The following RREB1 variants were observed in gnomAD, a reference collection of about 807,000 sequenced individuals.
The protein encoded by RREB1 is ras responsive element binding protein 1.
A neutral mutation model predicts 117.8 loss-of-function variants in RREB1; 27 were observed. The observed-to-expected ratio is 0.23, with a 90% CI of 0.17 to 0.32. The LOEUF is 0.32. RREB1 is among the 10% of genes least tolerant of loss of function. The pLI, the probability that RREB1 is intolerant of heterozygous loss-of-function variation, is 1.00. For missense variants in RREB1, 2,577 were observed against 2,378.2 expected, an observed-to-expected ratio of 1.08 and a Z score of -1.74; for synonymous variants, 1,298 against 1,026.7, an observed-to-expected ratio of 1.26 and a Z score of -5.05.
rs1395370231 is a variant in RREB1, at chr6:7,246,937, A to G, written c.4487A>G (p.Gln1496Arg). The G allele has an allele frequency of 1.5e-5, 24 of 1,557,388 alleles. No homozygotes were observed. Among genetic ancestry groups the G allele is most frequent in the Non-Finnish European group, 1.9e-5 (22 of 1,152,096 alleles). Residue 1496 changes from glutamine (Q) to arginine (R), a missense_variant, in exon 12 of 13, where the codon CAG becomes CGG. Coordinates refer to ENST00000379938, the MANE Select transcript of RREB1 (RefSeq NM_001003699.4). ...AEEGPQPAPE[Q>R]EEKPPETPAE... ...GAGGGGCCCCAGCCCGCCCCTGAAC[A>G]GGAGGAGAAGCCCCCCGAGACCCCG...
chr6:7,228,764 T>G (rs1162588695), intron 9 of RREB1, among the ~76,000 whole-genome samples: 7 of 152,004 alleles, frequency 4.6e-5, no homozygotes. Context: ...CGCCTCAGTC[T>G]CTGGAGTAGC....
At position 7,231,385 on chromosome 6, in the gene RREB1, A is replaced by G; in HGVS notation, c.3286A>G (p.Ser1096Gly). The G allele has an allele frequency of 1.9e-6, 3 of 1,613,560 alleles. No homozygotes were observed. The highest frequency in any genetic ancestry group is 2.5e-6 in the Non-Finnish European group (3 of 1,179,946). Residue 1096 changes from serine to glycine, a missense_variant, in exon 10 of 13, where the codon AGT (serine) becomes GGT (glycine). Ser to Gly is a moderately conservative substitution (Grantham distance 56, BLOSUM62 0). Coordinates refer to ENST00000379938, the MANE Select transcript of RREB1 (RefSeq NM_001003699.4). ...GGACCCAGGGCCCGCAAGCACTGGC[A>G]GTAACACCACGGCTTCAGACAGCTT... is the stretch of plus-strand genomic sequence containing the variant. ...VADPGPASTG[S>G]NTTASDSLGG... is the part of the protein sequence containing the mutation.
At chr6:7,170,494 G>A (rs572853748) in intron 1 of RREB1, among the ~76,000 whole-genome samples, 2 of 152,308 alleles carry the variant, frequency 1.3e-5, no homozygotes, top group Admixed American at 1.3e-4. Flanking sequence ...CACCTCCAAG[G>A]AGCTTTTCGG....
At chr6:7,155,834 TTTG>T (rs1763338641) in intron 1 of RREB1, among the ~76,000 whole-genome samples, 1 of 152,240 alleles carries the variant, frequency 6.6e-6, no homozygotes, top group Admixed American at 6.5e-5. Context: ...GGGTCTATTA[TTTG>T]TTGTTGTTTA....
chr6:7,247,196 G>T lies in RREB1; in HGVS notation c.4746G>T (p.Leu1582=). The T allele has an allele frequency of 6.2e-7, 1 of 1,613,546 alleles. No homozygotes were observed. The highest frequency in any genetic ancestry group is 1.1e-5 in the South Asian group (1 of 91,058). The change falls in exon 12 of 13, where the codon CTG becomes CTT. Residue 1582 remains leucine, a synonymous_variant. Transcript: ENST00000379938. ...CNKRFWSLQD[L]TRHMRSHTGE... The stretch of plus-strand genomic sequence containing the variant: ...AGCGGTTCTGGTCGCTGCAGGACCT[G>T]ACCCGGCACATGCGCTCCCACACAG...
At chr6:7,188,490 A>G (rs1278343231) in intron 5 of RREB1, among the ~76,000 whole-genome samples, 1 of 152,150 alleles carries the variant, frequency 6.6e-6, no homozygotes, top group Non-Finnish European at 1.5e-5. Flanking sequence ...ACACAGAAGG[A>G]AATCTACTCA....
chr6:7,201,501 C>T (rs540986910), intron 6 of RREB1, among the ~76,000 whole-genome samples: 4 of 141,456 alleles, frequency 2.8e-5, no homozygotes, highest in Admixed American at 7.1e-5. Context: ...TTGTCCCCCC[C>T]CCCCAACCCC....
Position 7,158,006 on chromosome 6 carries a change from C to T in RREB1, c.-284-18649C>T, listed in dbSNP as rs116030952. 3.9e-3 allele frequency among the ~76,000 whole-genome samples: 588 copies of T among 152,242 alleles called. 6 individuals are homozygous for T. Among genetic ancestry groups the T allele is most frequent in the African/African-American group, 0.013 (553 of 41,524 alleles). On this transcript the variant is annotated intron_variant, in intron 1 of 12. Transcript: ENST00000379938. ...GACCCTGCTTAGCCCTGAATATCAT[C>T]AGCCGGCTCATGCCTGACTTCTCTG...
At chr6:7,200,935 A>G (rs1765939318) in intron 6 of RREB1, among the ~76,000 whole-genome samples, 1 of 152,246 alleles carries the variant, frequency 6.6e-6, no homozygotes. Flanking sequence ...CAAGCAGTAC[A>G]GTATTTTTGA....
At chr6:7,192,143 T>G (rs951962175) in intron 6 of RREB1, among the ~76,000 whole-genome samples, 1 of 87,136 alleles carries the variant, frequency 1.1e-5, no homozygotes, top group Non-Finnish European at 2.5e-5. Context: ...TTTTTTTTTT[T>G]GCATCTATGG....
chr6:7,173,014 A>G (rs1764300766), intron 1 of RREB1, among the ~76,000 whole-genome samples: 2 of 152,090 alleles, frequency 1.3e-5, no homozygotes, highest in South Asian at 4.1e-4. Flanking sequence ...TCTCTTAACT[A>G]AAACTTGTAG....
chr6:7,142,331 G>A (rs1762640201), intron 1 of RREB1, among the ~76,000 whole-genome samples: 1 of 152,058 alleles, frequency 6.6e-6, no homozygotes, highest in African/African-American at 2.4e-5. Context: ...CGGCTCCCAT[G>A]CCCTTCCCAG....
chr6:7,227,135 G>A (rs1767628330), intron 9 of RREB1, among the ~76,000 whole-genome samples: 1 of 152,128 alleles, frequency 6.6e-6, no homozygotes, highest in Non-Finnish European at 1.5e-5. Context: ...CCAGCTACTT[G>A]GGAGGCTGAG....
chr6:7,196,426 TAG>T (rs1475251901), intron 6 of RREB1, among the ~76,000 whole-genome samples: 1 of 151,990 alleles, frequency 6.6e-6, no homozygotes, highest in Non-Finnish European at 1.5e-5. Flanking sequence ...AGTCTTTTTG[TAG>T]AGTTTCCTTT....
intron 6 of RREB1, among the ~76,000 whole-genome samples, chr6:7,203,346 G>T (rs1371630231): frequency 2.6e-5 from 4 of 152,294 alleles, no homozygotes; most frequent in African/African-American, 9.6e-5. Context: ...GGTGCAGCAA[G>T]ATTCTATTTC....
At chr6:7,140,589 C>G (rs374010370) in intron 1 of RREB1, 1 of 152,168 alleles carries the variant, frequency 6.6e-6, no homozygotes, top group Non-Finnish European at 1.5e-5. Context: ...GAAAAGGACA[C>G]GAACATTTGA....
chr6:7,161,659 G>A (rs2113464519), intron 1 of RREB1, among the ~76,000 whole-genome samples: 1 of 152,072 alleles, frequency 6.6e-6, no homozygotes, highest in Non-Finnish European at 1.5e-5. Flanking sequence ...TTATTTGTAG[G>A]TTTGCTTTAA....
At chr6:7,155,771 C>CTT (rs1322277291) in intron 1 of RREB1, among the ~76,000 whole-genome samples, 1 of 152,206 alleles carries the variant, frequency 6.6e-6, no homozygotes, top group Non-Finnish European at 1.5e-5. Flanking sequence ...ACATTAAGAA[C>CTT]TTGCATCCTT....
intron 8 of RREB1, chr6:7,218,000 G>A (rs1482444663): frequency 1.3e-5 from 2 of 152,034 alleles, no homozygotes; most frequent in East Asian, 3.9e-4. Context: ...AATTTGGTTT[G>A]AGTCTTGCTT....
Sources: allele counts gnomAD v4.1 joint callset (sites outside exome capture counted in the v4.1 genomes callset), GRCh38; gene constraint gnomAD v4.1.1; transcripts MANE v1.5; gene names NCBI Gene and HGNC (gene_info 2026-07-23, HGNC 2026-07-21).